IGDCC3: variants seen among roughly 807,000 people sequenced by gnomAD.
IGDCC3 encodes putative neuronal cell adhesion molecule.
IGDCC3 carries 47 observed loss-of-function variants against 72.0 expected under a neutral mutation model. That is an observed-to-expected ratio of 0.65 (90% CI 0.52 to 0.83). IGDCC3 has a LOEUF of 0.83. Ranked by LOEUF, IGDCC3 falls within the 40% of genes least tolerant of loss-of-function variation. IGDCC3 has a pLI of 0.00. For synonymous variants in IGDCC3, 477 were observed against 472.8 expected, an observed-to-expected ratio of 1.01 and a Z score of -0.11; for missense variants, 1,038 against 1,091.3, an observed-to-expected ratio of 0.95 and a Z score of 0.69.
chr15:65,367,806 G>C (rs528347705), intron 2 of IGDCC3, among the ~76,000 whole-genome samples: 2 of 152,108 alleles, frequency 1.3e-5, no homozygotes, highest in African/African-American at 4.8e-5. Context: ...CAAGGGAAGA[G>C]GGATTCCACA....
At chr15:65,366,425 G>A (rs974087297) in intron 2 of IGDCC3, among the ~76,000 whole-genome samples, 1 of 152,054 alleles carries the variant, frequency 6.6e-6, no homozygotes, top group Non-Finnish European at 1.5e-5. Flanking sequence ...GAGAAGGAGG[G>A]AGGAGGAGCT....
At chr15:65,359,933 C>T (rs1382899638) in intron 2 of IGDCC3, among the ~76,000 whole-genome samples, 2 of 152,090 alleles carry the variant, frequency 1.3e-5, no homozygotes, top group Non-Finnish European at 2.9e-5. Context: ...TTATTGGGGG[C>T]GAGTGACCCA....
intron 2 of IGDCC3, among the ~76,000 whole-genome samples, chr15:65,338,588 A>G (rs909286265): frequency 0.083 from 5 of 60 alleles, no homozygotes; most frequent in Middle Eastern, 0.5. Context: ...CAGGAAGGGC[A>G]GGTGCAAGAG....
chr15:65,349,404 T>C (rs1372551676), intron 2 of IGDCC3, among the ~76,000 whole-genome samples: 1 of 152,196 alleles, frequency 6.6e-6, no homozygotes, highest in Non-Finnish European at 1.5e-5. Flanking sequence ...TTTGGGTTTC[T>C]CTCTCTCTGT....
At chr15:65,341,439 C>T (rs2091080491) in intron 2 of IGDCC3, among the ~76,000 whole-genome samples, 1 of 152,156 alleles carries the variant, frequency 6.6e-6, no homozygotes, top group Non-Finnish European at 1.5e-5. Context: ...TCTATAGCAG[C>T]ATTATTCACA....
chr15:65,347,008 C>A (rs534134114), intron 2 of IGDCC3, among the ~76,000 whole-genome samples: 1 of 152,294 alleles, frequency 6.6e-6, no homozygotes, highest in South Asian at 2.1e-4. Context: ...CCCAGCAGAG[C>A]CCCTCTCCAC....
chr15:65,377,547 C>G lies in IGDCC3; in HGVS notation c.103+139G>C, dbSNP rs2091366403. On this transcript the variant is annotated intron_variant, in intron 1 of 13. Coordinates refer to ENST00000327987, the MANE Select transcript of IGDCC3 (RefSeq NM_004884.4). This position sits in a 1 kb window ranked among gnomAD's most constrained non-coding sequence, Gnocchi z 4.9. ...TTGGTACCCTCTCCCCGTCCGGATC[C>G]GCAGGGTCCCCCCCGCGCGGGGTCC... 1 of 886,332 alleles carries G rather than the reference C, an allele frequency of 1.1e-6. No individual in the cohort carries two copies. 54.9% of individuals were successfully genotyped at this position (886,332 alleles called of 1,614,324 possible).
In IGDCC3 at chr15:65,327,598, TTTC is replaced by T. The variant is rs754964386; in HGVS notation, c.*1308_*1310del. 1 of 152,568 alleles carries T rather than the reference TTTC, an allele frequency of 6.6e-6. No individual in the cohort carries two copies. Among genetic ancestry groups the T allele is most frequent in the African/African-American group, 2.4e-5 (1 of 41,460 alleles). The allele number at this position is 152,568 out of a possible 1,614,324, so 9.5% of individuals were successfully genotyped here. ...TAGGTATTTGTTTCCTTGGTTTTCT[TTTC>T]TTCTTCTTTAACTAAGTAGTTCAAA... On this transcript the variant is annotated 3_prime_UTR_variant, in exon 14 of 14. Transcript: ENST00000327987.
Position 65,330,742 on chromosome 15 carries a change from C to T in IGDCC3, c.1562-1G>A. 1 of 1,599,244 alleles carries T rather than the reference C, an allele frequency of 6.3e-7. No individual in the cohort carries two copies. The highest frequency in any genetic ancestry group is 8.5e-7 in the Non-Finnish European group (1 of 1,171,722). On this transcript the variant is annotated splice_acceptor_variant, in intron 9 of 13. Coordinates refer to ENST00000327987, the MANE Select transcript of IGDCC3 (RefSeq NM_004884.4). LOFTEE classifies it high-confidence loss of function. ...ACTGACAGTGGGGGTGGGGCAGGGG[C>T]TGCAGGTAGAGAAGGAGGCCACGAT... is the stretch of plus-strand genomic sequence containing the variant.
chr15:65,360,569 A>G (rs1327298691), intron 2 of IGDCC3, among the ~76,000 whole-genome samples: 1 of 152,254 alleles, frequency 6.6e-6, no homozygotes, highest in Non-Finnish European at 1.5e-5. Flanking sequence ...AAGCTGGGAT[A>G]TAAGAGGCAA....
Position 65,331,436 on chromosome 15 carries a change from C to A in IGDCC3, c.1372G>T (p.Val458Phe). ...LANTKEIIGY[V>F]LHIRKAADPP... Reference sequence around the variant, plus strand: ...CCAGCAGCCTTCCTGATGTGCAGGACGTAGCCGATGATCTCCTTGGTGTTG... The same window carrying A: ...CCAGCAGCCTTCCTGATGTGCAGGAAGTAGCCGATGATCTCCTTGGTGTTG... The change falls in exon 8 of 14, where the codon GTC (valine) becomes TTC (phenylalanine). Residue 458 changes from valine to phenylalanine, a missense_variant. Val to Phe is a conservative substitution (Grantham distance 50, BLOSUM62 -1). Coordinates refer to ENST00000327987, the MANE Select transcript of IGDCC3 (RefSeq NM_004884.4). The A allele has an allele frequency of 6.2e-7, 1 of 1,610,096 alleles. No individual in the cohort carries two copies. The highest frequency in any genetic ancestry group is 8.5e-7 in the Non-Finnish European group (1 of 1,177,800).
rs2090928034 is a variant in IGDCC3, at chr15:65,327,411, C to T, written c.*1498G>A. The T allele has an allele frequency of 6.6e-6, 1 of 152,196 alleles. No homozygotes were observed. Among genetic ancestry groups the T allele is most frequent in the South Asian group, 2.1e-4 (1 of 4,830 alleles). The allele number at this position is 152,196 out of a possible 1,614,324, so 9.4% of individuals were successfully genotyped here. On this transcript the variant is annotated 3_prime_UTR_variant, in exon 14 of 14. Coordinates refer to ENST00000327987, the MANE Select transcript of IGDCC3 (RefSeq NM_004884.4). Reference sequence around the variant, plus strand: ...TCTAGGAAAACACCACAAATTCTATCTTCTTCAGCTAATTAACTAAAGTTC... The same window carrying T: ...TCTAGGAAAACACCACAAATTCTATTTTCTTCAGCTAATTAACTAAAGTTC...
At chr15:65,356,822 T>C (rs1182849058) in intron 2 of IGDCC3, among the ~76,000 whole-genome samples, 1 of 124,242 alleles carries the variant, frequency 8.0e-6, no homozygotes, top group Admixed American at 8.0e-5. Flanking sequence ...AGAGATTTGC[T>C]GATGTGAGAT....
At position 65,345,472 on chromosome 15, in the gene IGDCC3, T is replaced by G. The variant is rs536648737; in HGVS notation, c.410-9516A>C. Among the ~76,000 whole-genome samples the G allele has an allele frequency of 1.3e-4, 20 of 152,126 alleles. No individual in the cohort carries two copies. The East Asian group carries it at 3.9e-3, about 29-fold the overall frequency. On this transcript the variant is annotated intron_variant, in intron 2 of 13. Coordinates refer to ENST00000327987, the MANE Select transcript of IGDCC3 (RefSeq NM_004884.4). The stretch of plus-strand genomic sequence containing the variant: ...AGGAGGCCAAGGCAGAAGAATCGCT[T>G]GAGTCCAATAGGTTGAGGCTGCAGT...
chr15:65,354,699 T>C (rs1456940376), intron 2 of IGDCC3, among the ~76,000 whole-genome samples: 3 of 152,224 alleles, frequency 2.0e-5, no homozygotes, highest in Admixed American at 1.3e-4. Flanking sequence ...AACGGTCATA[T>C]GTTCTTGGGG....
At position 65,330,745 on chromosome 15, in the gene IGDCC3, C is replaced by T. The variant is rs768156824; in HGVS notation, c.1562-4G>A. 1.3e-4 allele frequency: 207 copies of T among 1,596,510 alleles called. No homozygotes were observed. The highest frequency in any genetic ancestry group is 1.7e-4 in the Non-Finnish European group (203 of 1,170,130). On this transcript the variant is annotated splice_polypyrimidine_tract_variant and splice_region_variant and intron_variant, in intron 9 of 13. Transcript: ENST00000327987. ...GACAGTGGGGGTGGGGCAGGGGCTG[C>T]AGGTAGAGAAGGAGGCCACGATGTG...
chr15:65,350,291 T>G (rs1358812414), intron 2 of IGDCC3, among the ~76,000 whole-genome samples: 4 of 148,028 alleles, frequency 2.7e-5, no homozygotes, highest in Non-Finnish European at 6.0e-5. Context: ...CCACCATGCC[T>G]GGCTAATTTT....
chr15:65,346,302 C>G (rs1306328807), intron 2 of IGDCC3, among the ~76,000 whole-genome samples: 1 of 152,198 alleles, frequency 6.6e-6, no homozygotes, highest in Non-Finnish European at 1.5e-5. Context: ...AGCTGTGAAG[C>G]CTTGAGAGGG....
At position 65,349,125 on chromosome 15, in the gene IGDCC3, G is replaced by T. The variant is rs552033667; in HGVS notation, c.410-13169C>A. 4.0e-3 allele frequency among the ~76,000 whole-genome samples: 605 copies of T among 152,324 alleles called. 1 individual carries two copies. The highest frequency in any genetic ancestry group is 5.4e-3 in the Non-Finnish European group (370 of 68,040). ...CTTGTGCTGAAACTCCTAGTTAGAG[G>T]TTGGATTAAAGATGACAGGCCCATC... On this transcript the variant is annotated intron_variant, in intron 2 of 13. Coordinates refer to ENST00000327987, the MANE Select transcript of IGDCC3 (RefSeq NM_004884.4).
Sources: gnomAD v4.1 joint callset for allele counts (sites outside exome capture counted in the v4.1 genomes callset) on GRCh38, gnomAD v4.1.1 for gene constraint, Gnocchi (gnomAD v3.1) non-coding constraint, MANE v1.5 for transcripts, NCBI Gene and HGNC (gene_info 2026-07-23, HGNC 2026-07-21) for gene names.